The following SSH2 variants were observed in gnomAD, a reference collection of about 807,000 sequenced individuals.
SSH2 encodes slingshot protein phosphatase 2, also known as protein phosphatase Slingshot homolog 2.
In SSH2, 37 loss-of-function variants were observed where a neutral mutation model predicts 135.2. The observed-to-expected ratio is 0.27, with a 90% CI of 0.21 to 0.36. The LOEUF (loss-of-function observed/expected upper bound fraction) is 0.36, where lower values mean the gene tolerates loss of function less well. Among genes scored for constraint, SSH2 ranks in the 10% least tolerant of loss-of-function variants. The pLI is 1.00. For missense variants in SSH2, 1,408 were observed against 1,765.3 expected (o/e 0.80, Z 3.63); for synonymous variants, 628 against 646.2 (o/e 0.97, Z 0.43).
intron 1 of SSH2, among the ~76,000 whole-genome samples, chr17:29,856,564 G>C (rs952889354): frequency 3.9e-5 from 6 of 152,130 alleles, no homozygotes; most frequent in Non-Finnish European, 8.8e-5. Context: ...AACAGAGTGA[G>C]ACTCTGTCTC....
At chr17:29,770,674 T>C (rs1045177003) in intron 3 of SSH2, among the ~76,000 whole-genome samples, 3 of 151,510 alleles carry the variant, frequency 2.0e-5, no homozygotes, top group Non-Finnish European at 4.4e-5. Context: ...GGTTTCACCA[T>C]GTTGGCCTGA....
chr17:29,825,189 C>T (rs942188945), intron 2 of SSH2, among the ~76,000 whole-genome samples: 6 of 152,222 alleles, frequency 3.9e-5, no homozygotes, highest in African/African-American at 1.2e-4. Context: ...TTATATACCA[C>T]ATTTTCCTAT....
In SSH2 at chr17:29,628,302, A is replaced by T. The variant is rs1375770790; in HGVS notation, c.*2539T>A. The T allele has an allele frequency of 6.6e-6, 1 of 152,138 alleles. No homozygotes were observed. The highest frequency in any genetic ancestry group is 2.4e-5 in the African/African-American group (1 of 41,408). 9.4% of individuals were successfully genotyped at this position (152,138 alleles called of 1,614,324 possible). A position where few individuals can be genotyped will look rare whatever the true frequency, so the allele number is the denominator to read the frequency against. On this transcript the variant is annotated 3_prime_UTR_variant, in exon 16 of 16. Coordinates refer to ENST00000540801, the MANE Select transcript of SSH2 (RefSeq NM_001282129.2). ...AAAGTAATTATAAAAAGGCAGAAAG[A>T]CTTTCCTCTGCTCTTGAAAATTTTT...
intron 3 of SSH2, among the ~76,000 whole-genome samples, chr17:29,752,019 T>C (rs1298504344): frequency 3.3e-5 from 5 of 152,098 alleles, no homozygotes; most frequent in African/African-American, 1.2e-4. Flanking sequence ...GATTACCATA[T>C]AAGGAAAACT....
At chr17:29,850,448 G>A (rs2065534601) in intron 1 of SSH2, among the ~76,000 whole-genome samples, 1 of 152,144 alleles carries the variant, frequency 6.6e-6, no homozygotes, top group South Asian at 2.1e-4. Flanking sequence ...CACAGGTAGG[G>A]CTGTGTTTCA....
At chr17:29,880,151 G>A (rs940654406) in intron 1 of SSH2, among the ~76,000 whole-genome samples, 1 of 152,158 alleles carries the variant, frequency 6.6e-6, no homozygotes, top group African/African-American at 2.4e-5. Context: ...TTGGCACTCT[G>A]CTGAACAGTA....
At chr17:29,837,162 C>A (rs956805721) in intron 2 of SSH2, among the ~76,000 whole-genome samples, 1 of 151,552 alleles carries the variant, frequency 6.6e-6, no homozygotes, top group African/African-American at 2.4e-5. Context: ...GAGGCTGAGG[C>A]AGGAGAATCA....
At chr17:29,696,016 T>C (rs2038712799) in intron 4 of SSH2, among the ~76,000 whole-genome samples, 1 of 152,120 alleles carries the variant, frequency 6.6e-6, no homozygotes, top group African/African-American at 2.4e-5. Flanking sequence ...CTAGGAAGAC[T>C]TTTGGATTCT....
chr17:29,877,941 C>T (rs1363417588), intron 1 of SSH2, among the ~76,000 whole-genome samples: 2 of 151,930 alleles, frequency 1.3e-5, no homozygotes, highest in African/African-American at 2.4e-5. Flanking sequence ...AAAAATTAGC[C>T]AGGCATGGTG....
chr17:29,690,402 C>G (rs897579808), intron 5 of SSH2, among the ~76,000 whole-genome samples: 3 of 136,696 alleles, frequency 2.2e-5, no homozygotes, highest in Non-Finnish European at 4.6e-5. Flanking sequence ...GAAACTCTGT[C>G]TCAAAAAAAA....
chr17:29,816,415 C>T (rs909043632), intron 2 of SSH2, among the ~76,000 whole-genome samples: 1 of 152,174 alleles, frequency 6.6e-6, no homozygotes, highest in African/African-American at 2.4e-5. Context: ...GTTGCCTATT[C>T]ACTCTCCACT....
chr17:29,631,922 A>G lies in SSH2; in HGVS notation c.3272T>C (p.Leu1091Pro). Residue 1091 changes from leucine to proline, a missense_variant, in exon 16 of 16, where the codon CTG (leucine) becomes CCG (proline). By Grantham distance (98) the Leu-to-Pro change is moderately conservative. Transcript: ENST00000540801. ...CTLDENLNRT[L>P]DPNQVSLHPQ... ...GTGCAGAGAAACCTGGTTGGGGTCC[A>G]GAGTCCTGTTTAGATTTTCATCCAG... The G allele has an allele frequency of 6.2e-7, 1 of 1,614,214 alleles. No individual in the cohort carries two copies. The highest frequency in any genetic ancestry group is 8.5e-7 in the Non-Finnish European group (1 of 1,180,036).
intron 6 of SSH2, 49 bp downstream of exon 6, chr17:29,684,514 C>T (rs773883298): frequency 1.5e-6 from 2 of 1,348,090 alleles, no homozygotes; most frequent in South Asian, 1.3e-5. Context: ...GCAACTGGAA[C>T]AGGTTACTTA....
At chr17:29,867,866 T>C (rs1301398480) in intron 1 of SSH2, among the ~76,000 whole-genome samples, 1 of 152,148 alleles carries the variant, frequency 6.6e-6, no homozygotes, top group Non-Finnish European at 1.5e-5. Flanking sequence ...GAACCTAGAT[T>C]GATATCAAGG....
At chr17:29,845,857 G>GC (rs1194228804) in intron 2 of SSH2, among the ~76,000 whole-genome samples, 4 of 151,834 alleles carry the variant, frequency 2.6e-5, no homozygotes, top group Non-Finnish European at 5.9e-5. Context: ...ACCGTGCCTG[G>GC]CCCCAACTAA....
chr17:29,818,776 A>G (rs943426664), intron 2 of SSH2, among the ~76,000 whole-genome samples: 2 of 152,098 alleles, frequency 1.3e-5, no homozygotes, highest in Non-Finnish European at 2.9e-5. Flanking sequence ...TACAGTCCCA[A>G]TAGAGAGTTA....
chr17:29,880,157 C>G (rs922632488), intron 1 of SSH2, among the ~76,000 whole-genome samples: 2 of 152,128 alleles, frequency 1.3e-5, no homozygotes, highest in Non-Finnish European at 2.9e-5. Context: ...CTCTGCTGAA[C>G]AGTATACAGG....
In SSH2 at chr17:29,911,218, G is replaced by C. The variant is rs7225001; in HGVS notation, c.63+18720C>G. Among the ~76,000 whole-genome samples the C allele has an allele frequency of 2.2e-3, 335 of 152,288 alleles. 1 individual carries two copies. The highest frequency in any genetic ancestry group is 7.9e-3 in the African/African-American group (330 of 41,572). On this transcript the variant is annotated intron_variant, in intron 1 of 15. Coordinates refer to ENST00000540801, the MANE Select transcript of SSH2 (RefSeq NM_001282129.2). ...ATGTAAGTTATATTTTAGTGCACAT[G>C]ATCTTACCTGCCATTCCACTCAACA... is the stretch of plus-strand genomic sequence containing the variant.
At chr17:29,799,014 G>A (rs570119023) in intron 2 of SSH2, among the ~76,000 whole-genome samples, 3 of 151,898 alleles carry the variant, frequency 2.0e-5, no homozygotes, top group Admixed American at 1.3e-4. Flanking sequence ...ACTCATTTTT[G>A]ATTGTTTGAG....
Sources: gnomAD v4.1 joint callset for allele counts (sites outside exome capture counted in the v4.1 genomes callset) on GRCh38, gnomAD v4.1.1 for gene constraint, MANE v1.5 for transcripts, NCBI Gene and HGNC (gene_info 2026-07-23, HGNC 2026-07-21) for gene names.